Variants in PHF21B observed in about 807,000 individuals in gnomAD.
PHF21B encodes PHD finger protein 4.
Under a neutral mutation model 62.2 loss-of-function variants are expected in PHF21B, and 22 were observed. The ratio of observed to expected loss-of-function variants is 0.35; its 90% confidence interval spans 0.25 to 0.51. The LOEUF (loss-of-function observed/expected upper bound fraction) is 0.51. Among genes scored for constraint, PHF21B ranks in the 20% least tolerant of loss-of-function variants. The probability of loss-of-function intolerance (pLI) is 0.97; values close to 1 mark genes in which losing one functional copy is unlikely to be tolerated. For missense variants in PHF21B, 701 were observed against 707.9 expected, an observed-to-expected ratio of 0.99 and a Z score of 0.11; for synonymous variants, 341 against 314.7, an observed-to-expected ratio of 1.08 and a Z score of -0.88.
intron 4 of PHF21B, among the ~76,000 whole-genome samples, chr22:44,915,798 G>A (rs761166388): frequency 1.1e-4 from 16 of 152,206 alleles, no homozygotes; most frequent in South Asian, 4.1e-4. Context: ...GGGGAGCAGC[G>A]GGAGGACCTT....
chr22:44,885,581 G>A, intron 11 of PHF21B, 52 bp from the exon 12 acceptor site: 2 of 1,508,316 alleles, frequency 1.3e-6, no homozygotes, highest in Non-Finnish European at 1.8e-6. Context: ...GGAGCGGCTG[G>A]GTCGTAGAGT....
At chr22:44,908,483 C>T (rs946611052) in intron 5 of PHF21B, among the ~76,000 whole-genome samples, 15 of 152,160 alleles carry the variant, frequency 9.9e-5, no homozygotes, top group African/African-American at 2.9e-4. Context: ...ACTGCTGACT[C>T]GACGTCCCCT....
At chr22:44,961,976 T>C (rs1040263838) in intron 2 of PHF21B, among the ~76,000 whole-genome samples, 1 of 152,314 alleles carries the variant, frequency 6.6e-6, no homozygotes, top group South Asian at 2.1e-4. Flanking sequence ...TATTCCATGG[T>C]GTATATGTAC....
intron 2 of PHF21B, among the ~76,000 whole-genome samples, chr22:44,931,301 C>T (rs1057345297): frequency 2.6e-5 from 4 of 152,098 alleles, no homozygotes; most frequent in African/African-American, 9.7e-5. Flanking sequence ...GAGAGCACTG[C>T]GGGAACAAAG....
intron 2 of PHF21B, among the ~76,000 whole-genome samples, chr22:44,930,882 C>G (rs575044057): frequency 1.3e-5 from 2 of 152,336 alleles, no homozygotes; most frequent in East Asian, 3.9e-4. Flanking sequence ...GAACAGCTGT[C>G]CGGGGCCTGC....
intron 2 of PHF21B, among the ~76,000 whole-genome samples, chr22:44,942,666 G>T (rs550421217): frequency 1.3e-5 from 2 of 152,172 alleles, no homozygotes; most frequent in East Asian, 3.9e-4. Flanking sequence ...TCAGAGGAGG[G>T]TGCCCACAGC....
rs1469786536 is a variant in PHF21B at position 44,885,501 on chromosome 22, C to A, written c.1302G>T (p.Leu434=). 6.3e-7 allele frequency: 1 copy of A among 1,598,636 alleles called. No individual in the cohort carries two copies. The highest frequency in any genetic ancestry group is 1.7e-5 in the Admixed American group (1 of 57,798). ...TVKEEEKQKL[L]QRGSELQNEH... ...CGTTCTGCAGCTCACTGCCTCGTTG[C>A]AGCAGCTTCTGCTTCTCCTCTTCTT... The change falls in exon 12 of 13, where the codon CTG becomes CTT. Residue 434 remains leucine (L), a synonymous_variant. Transcript: ENST00000313237.
chr22:44,994,244 G>C (rs1386532534), intron 2 of PHF21B, among the ~76,000 whole-genome samples: 4 of 152,208 alleles, frequency 2.6e-5, no homozygotes, highest in Non-Finnish European at 5.9e-5. Context: ...TTGGAAATAG[G>C]GTCATTACAG....
At chr22:44,922,965 T>G (rs2147318992) in intron 2 of PHF21B, among the ~76,000 whole-genome samples, 1 of 152,108 alleles carries the variant, frequency 6.6e-6, no homozygotes, top group South Asian at 2.1e-4. Context: ...AAATAGAAAT[T>G]GACAAGATGA....
At chr22:44,956,526 G>A (rs1161627805) in intron 2 of PHF21B, among the ~76,000 whole-genome samples, 2 of 152,196 alleles carry the variant, frequency 1.3e-5, no homozygotes, top group African/African-American at 2.4e-5. Flanking sequence ...TGGCAATTTA[G>A]CCCTTGTGAC....
intron 9 of PHF21B, 102 bp downstream of exon 9, chr22:44,889,658 C>T: frequency 1.2e-5 from 17 of 1,404,292 alleles, no homozygotes; most frequent in Non-Finnish European, 1.5e-5. Context: ...CCTTCTGCAC[C>T]ACTCCGGGCT....
At position 44,903,019 on chromosome 22, in the gene PHF21B, C is replaced by T. The variant is rs2071187699; in HGVS notation, c.832-6936G>A. 5.9e-5 allele frequency among the ~76,000 whole-genome samples: 9 copies of T among 152,200 alleles called. No individual in the cohort carries two copies. The South Asian group carries it at 1.9e-3, about 32-fold the overall frequency. On this transcript the variant is annotated intron_variant, in intron 5 of 12. Transcript: ENST00000313237. ...TCTCTGGTTAACCACGCCTCCTCTG[C>T]CTCTCCCCCATGGTCAAAGAGCATT...
At chr22:44,961,845 A>AAAT (rs2072428343) in intron 2 of PHF21B, among the ~76,000 whole-genome samples, 1 of 144,244 alleles carries the variant, frequency 6.9e-6, no homozygotes, top group South Asian at 2.3e-4. Flanking sequence ...ACTCTGTCTC[A>AAAT]AAATAAATAA....
intron 2 of PHF21B, among the ~76,000 whole-genome samples, chr22:44,941,490 G>A (rs187718082): frequency 2.0e-5 from 3 of 152,324 alleles, no homozygotes; most frequent in Non-Finnish European, 2.9e-5. Flanking sequence ...ACTGCTTAGA[G>A]TAACAGCGGC....
At chr22:44,885,074 T>C (rs1374877947) in intron 12 of PHF21B, among the ~76,000 whole-genome samples, 1 of 152,224 alleles carries the variant, frequency 6.6e-6, no homozygotes. Flanking sequence ...GTTGAATGAG[T>C]CACAGCGCTG....
chr22:44,902,827 T>C (rs1224060865), intron 5 of PHF21B, among the ~76,000 whole-genome samples: 1 of 152,236 alleles, frequency 6.6e-6, no homozygotes, highest in Admixed American at 6.5e-5. Context: ...TTATAGCAGC[T>C]TCATATTGAT....
intron 2 of PHF21B, among the ~76,000 whole-genome samples, chr22:44,963,611 C>T (rs1273747440): frequency 6.6e-6 from 1 of 152,188 alleles, no homozygotes; most frequent in Non-Finnish European, 1.5e-5. Flanking sequence ...AGCAAGGCAG[C>T]CTCCAGGCAC....
chr22:45,001,234 C>T (rs898255490), intron 2 of PHF21B: 10 of 152,290 alleles, frequency 6.6e-5, no homozygotes, highest in African/African-American at 1.9e-4. Context: ...TGCCCTCCTC[C>T]GATGTGTCCT....
chr22:44,887,896 C>G (rs1462112940), intron 10 of PHF21B, 67 bp downstream of exon 10: 2 of 1,353,708 alleles, frequency 1.5e-6, no homozygotes, highest in East Asian at 2.9e-5. Context: ...CTCCTCTGCC[C>G]TGTCTCTGCC....
Sources: gnomAD v4.1 joint callset for allele counts (sites outside exome capture counted in the v4.1 genomes callset) on GRCh38, gnomAD v4.1.1 for gene constraint, MANE v1.5 for transcripts, NCBI Gene and HGNC (gene_info 2026-07-23, HGNC 2026-07-21) for gene names.